CAMKMT: variants seen among roughly 807,000 people sequenced by gnomAD.
The protein encoded by CAMKMT is calmodulin-lysine N-methyltransferase.
In CAMKMT, 53 loss-of-function variants were observed where a neutral mutation model predicts 48.0. That is an observed-to-expected ratio of 1.10 (90% CI 0.89 to 1.39). The LOEUF is 1.39. Among genes scored for constraint, CAMKMT ranks in the 40% most tolerant of loss-of-function variants. The pLI, the probability that CAMKMT is intolerant of heterozygous loss-of-function variation, is 0.00. For missense variants in CAMKMT, 428 were observed against 402.7 expected (o/e 1.06, Z -0.54); for synonymous variants, 165 against 152.3 (o/e 1.08, Z -0.61).
At chr2:44,572,593 A>G (rs1440344740) in intron 3 of CAMKMT, among the ~76,000 whole-genome samples, 1 of 152,186 alleles carries the variant, frequency 6.6e-6, no homozygotes, top group Non-Finnish European at 1.5e-5. Flanking sequence ...TGCTGTGGAC[A>G]CAGGTGTACA....
chr2:44,593,201 T>C (rs1185535673), intron 3 of CAMKMT, among the ~76,000 whole-genome samples: 1 of 152,212 alleles, frequency 6.6e-6, no homozygotes, highest in African/African-American at 2.4e-5. Context: ...CTCAACTCAA[T>C]GTTCAATGCA....
intron 3 of CAMKMT, among the ~76,000 whole-genome samples, chr2:44,423,904 A>G (rs927088125): frequency 1.3e-5 from 2 of 152,080 alleles, no homozygotes; most frequent in African/African-American, 4.8e-5. Context: ...TATGTTTATC[A>G]TGGTATTTCT....
At chr2:44,437,399 G>A (rs113958285) in intron 3 of CAMKMT, among the ~76,000 whole-genome samples, 1 of 152,214 alleles carries the variant, frequency 6.6e-6, no homozygotes, top group East Asian at 1.9e-4. Context: ...TTACTGGGGG[G>A]ATAGTTGTTC....
intron 3 of CAMKMT, among the ~76,000 whole-genome samples, chr2:44,666,553 C>T (rs914760502): frequency 6.6e-6 from 1 of 151,844 alleles, no homozygotes; most frequent in African/African-American, 2.4e-5. Context: ...GTTCTCCAGT[C>T]CAACTTTATT....
intron 3 of CAMKMT, among the ~76,000 whole-genome samples, chr2:44,588,271 T>C (rs546189475): frequency 1.1e-4 from 3 of 28,222 alleles, no homozygotes; most frequent in Admixed American, 1.0e-3. Flanking sequence ...GTGAGGAGCG[T>C]CTCCGCCCGG....
At chr2:44,650,168 T>A (rs1673978531) in intron 3 of CAMKMT, among the ~76,000 whole-genome samples, 1 of 152,104 alleles carries the variant, frequency 6.6e-6, no homozygotes, top group Admixed American at 6.5e-5. Context: ...AGAGCCATGC[T>A]CCATCTGAAA....
chr2:44,385,277 C>T (rs750632042), intron 2 of CAMKMT, among the ~76,000 whole-genome samples: 1 of 151,764 alleles, frequency 6.6e-6, no homozygotes, highest in Non-Finnish European at 1.5e-5. Flanking sequence ...ATTTGATTCT[C>T]TACTTGGTTG....
intron 3 of CAMKMT, among the ~76,000 whole-genome samples, chr2:44,561,624 C>T (rs1668327460): frequency 6.6e-6 from 1 of 152,150 alleles, no homozygotes; most frequent in Non-Finnish European, 1.5e-5. Flanking sequence ...CAAACATGTT[C>T]TGCTCCCTTT....
intron 10 of CAMKMT, among the ~76,000 whole-genome samples, chr2:44,771,711 A>T (rs1225779079): frequency 6.6e-6 from 1 of 152,142 alleles, no homozygotes; most frequent in Admixed American, 6.5e-5. Flanking sequence ...AGAAACTTCT[A>T]TGTCAAATGC....
chr2:44,746,218 G>C (rs573465514), intron 8 of CAMKMT, among the ~76,000 whole-genome samples: 1 of 152,208 alleles, frequency 6.6e-6, no homozygotes, highest in Non-Finnish European at 1.5e-5. Flanking sequence ...TTATTGAAGC[G>C]TTTCCAGCAA....
chr2:44,603,102 T>G (rs1313630894), intron 3 of CAMKMT, among the ~76,000 whole-genome samples: 56 of 152,000 alleles, frequency 3.7e-4, no homozygotes, highest in Admixed American at 3.7e-3. Context: ...ATATCTTTGT[T>G]TTTTGAGACA....
intron 3 of CAMKMT, among the ~76,000 whole-genome samples, chr2:44,651,754 C>T (rs376460878): frequency 1.1e-4 from 17 of 152,090 alleles, no homozygotes; most frequent in South Asian, 6.2e-4. Flanking sequence ...TCCCAACTTT[C>T]GTATAATTTA....
At chr2:44,522,479 C>G (rs1490162290) in intron 3 of CAMKMT, among the ~76,000 whole-genome samples, 1 of 152,190 alleles carries the variant, frequency 6.6e-6, no homozygotes, top group Non-Finnish European at 1.5e-5. Context: ...GGGGCAATCC[C>G]CTTAAGATAC....
intron 3 of CAMKMT, among the ~76,000 whole-genome samples, chr2:44,564,537 T>TTTTG (rs959817577): frequency 1.1e-4 from 16 of 151,676 alleles, no homozygotes; most frequent in Admixed American, 2.6e-4. Flanking sequence ...TGATAACACA[T>TTTTG]TTTGTTTGTT....
At chr2:44,539,297 A>C (rs919603225) in intron 3 of CAMKMT, among the ~76,000 whole-genome samples, 18 of 151,748 alleles carry the variant, frequency 1.2e-4, no homozygotes, top group East Asian at 3.9e-4. Flanking sequence ...AAAAAAAAAA[A>C]AAAACCCAAA....
chr2:44,523,626 C>G (rs1558676224), intron 3 of CAMKMT, among the ~76,000 whole-genome samples: 2 of 151,938 alleles, frequency 1.3e-5, no homozygotes, highest in Non-Finnish European at 2.9e-5. Flanking sequence ...GATTTCTTTG[C>G]TCACATGTCT....
intron 3 of CAMKMT, among the ~76,000 whole-genome samples, chr2:44,647,951 A>G (rs899644535): frequency 2.0e-5 from 3 of 150,762 alleles, no homozygotes; most frequent in Non-Finnish European, 4.4e-5. Context: ...AACAGCAATG[A>G]TTGCCTGTAT....
intron 1 of CAMKMT, among the ~76,000 whole-genome samples, chr2:44,368,389 A>G (rs1458598401): frequency 1.3e-5 from 2 of 152,208 alleles, no homozygotes; most frequent in African/African-American, 4.8e-5. Flanking sequence ...AGCAATGTCA[A>G]AAGTAATTTG....
chr2:44,375,317 A>G (rs1679574100), intron 2 of CAMKMT, among the ~76,000 whole-genome samples: 1 of 151,946 alleles, frequency 6.6e-6, no homozygotes, highest in South Asian at 2.1e-4. Context: ...TTGAAAAAAA[A>G]GGGATGAATA....
Sources: gnomAD v4.1 joint callset for allele counts (sites outside exome capture counted in the v4.1 genomes callset) on GRCh38, gnomAD v4.1.1 for gene constraint, MANE v1.5 for transcripts, NCBI Gene and HGNC (gene_info 2026-07-23, HGNC 2026-07-21) for gene names.